Variants in EHMT1 observed in about 807,000 individuals in gnomAD.
EHMT1 encodes the protein histone-lysine N-methyltransferase EHMT1.
Under a neutral mutation model 147.2 loss-of-function variants are expected in EHMT1, and 15 were observed. That is an observed-to-expected ratio of 0.10 (90% CI 0.07 to 0.16). The LOEUF (loss-of-function observed/expected upper bound fraction) is 0.16, where lower values mean the gene tolerates loss of function less well. Among genes scored for constraint, EHMT1 ranks in the 10% least tolerant of loss-of-function variants. The pLI is 1.00. For synonymous variants in EHMT1, 795 were observed against 709.6 expected (o/e 1.12, Z -1.91); for missense variants, 1,587 against 1,772.4 (o/e 0.90, Z 1.88).
At chr9:137,834,018 A>G (rs1956415001) in intron 25 of EHMT1, 2 of 396,964 alleles carry the variant, frequency 5.0e-6, no homozygotes, top group South Asian at 5.3e-5. Flanking sequence ...AGACAGCCCC[A>G]TGGGTCCTCG....
intron 18 of EHMT1, chr9:137,803,116 G>A (rs1953643607): frequency 8.1e-7 from 1 of 1,229,222 alleles, no homozygotes; most frequent in Non-Finnish European, 1.0e-6. Context: ...CTGTCCAGGT[G>A]TCAGAGCTGT....
chr9:137,774,405 G>A (rs865844062), intron 10 of EHMT1, among the ~76,000 whole-genome samples: 12 of 148,620 alleles, frequency 8.1e-5, no homozygotes, highest in South Asian at 2.1e-4. Flanking sequence ...GTGTGGTCGC[G>A]TCTGACCCCC....
Position 137,834,471 on chromosome 9 carries a change from C to A in EHMT1, c.3663C>A (p.Phe1221Leu). Residue 1221 changes from phenylalanine (F) to leucine (L), a missense_variant, in exon 26 of 27, where the codon TTC becomes TTA. Phe to Leu is a conservative substitution (Grantham distance 22). This residue lies in a region of EHMT1 where 141 missense variants were observed against 150.8 expected (regional missense o/e 0.94). Coordinates refer to ENST00000460843, the MANE Select transcript of EHMT1 (RefSeq NM_024757.5). ...RVFMAHQDLRFPRIAFFSTRL... is the reference protein window; with the variant it reads ...RVFMAHQDLRLPRIAFFSTRL... ...TCATGGCCCACCAGGACCTGCGGTT[C>A]CCCCGGATCGCCTTCTTCAGCACCC... is the stretch of plus-strand genomic sequence containing the variant. 6.2e-7 allele frequency: 1 copy of A among 1,612,784 alleles called. No individual in the cohort carries two copies. The highest frequency in any genetic ancestry group is 8.5e-7 in the Non-Finnish European group (1 of 1,179,784).
intron 16 of EHMT1, chr9:137,792,313 GA>G: frequency 3.2e-6 from 1 of 310,268 alleles, no homozygotes; most frequent in South Asian, 2.9e-5. Flanking sequence ...ATTCAATGGG[GA>G]AAAGACTGTC....
chr9:137,818,574 CCG>C (rs1415091961), intron 25 of EHMT1, among the ~76,000 whole-genome samples: 2 of 133,502 alleles, frequency 1.5e-5, no homozygotes, highest in African/African-American at 3.8e-5. Flanking sequence ...TGTACCGAGA[CCG>C]TAGAGAGGCC....
At chr9:137,667,883 G>GT (rs770541445) in intron 1 of EHMT1, among the ~76,000 whole-genome samples, 52 of 152,142 alleles carry the variant, frequency 3.4e-4, no homozygotes, top group Non-Finnish European at 5.7e-4. Context: ...TGCTTATTTG[G>GT]TTTCGTGGAA....
rs573789680 is a variant in EHMT1, at chr9:137,649,021, C to G, written c.21+29972C>G. On this transcript the variant is annotated intron_variant, in intron 1 of 26. Coordinates refer to ENST00000460843, the MANE Select transcript of EHMT1 (RefSeq NM_024757.5). ...CAGAGACTGATCCTGGTTGTCGTAT[C>G]GTGCTTGAGCTTCATCACTGGGGAA... Among the ~76,000 whole-genome samples, 3 of 152,214 alleles carry G rather than the reference C, an allele frequency of 2.0e-5. No individual in the cohort carries two copies. In the South Asian group the frequency reaches 6.2e-4, roughly 31 times the overall value.
intron 23 of EHMT1, chr9:137,816,951 C>A (rs1343747644): frequency 8.7e-6 from 2 of 229,400 alleles, no homozygotes; most frequent in South Asian, 1.2e-4. Context: ...ACCCGGCCAC[C>A]CTCCCCCAGG....
At chr9:137,643,337 GTTTTTTT>G (rs71493685) in intron 1 of EHMT1, among the ~76,000 whole-genome samples, 42 of 111,872 alleles carry the variant, frequency 3.8e-4, no homozygotes, top group Admixed American at 9.7e-4. Flanking sequence ...GTGTATAAAG[GTTTTTTT>G]TTTTTTTTTT....
chr9:137,717,373 C>A, intron 3 of EHMT1, 191 bp downstream of exon 3: 1 of 761,164 alleles, frequency 1.3e-6, no homozygotes, highest in Non-Finnish European at 2.2e-6. Flanking sequence ...GAGGCTGAGG[C>A]GGGTGGATTG....
rs980871260 is a variant in EHMT1, at chr9:137,731,946, G to A, written c.823+3417G>A. Among the ~76,000 whole-genome samples the A allele has an allele frequency of 6.6e-6, 1 of 152,246 alleles. No individual in the cohort carries two copies. The highest frequency in any genetic ancestry group is 1.5e-5 in the Non-Finnish European group (1 of 68,042). ...TTTACACTGCAGGCGCTGGCGTCTA[G>A]ATGAGGGGAACACGGTGGTGCCCCA... On this transcript the variant is annotated intron_variant, in intron 4 of 26. Transcript: ENST00000460843. This position sits in a 1 kb window ranked among gnomAD's most constrained non-coding sequence, Gnocchi z 4.3.
chr9:137,675,802 T>TG (rs35541714), intron 1 of EHMT1, among the ~76,000 whole-genome samples: 14,488 of 104,052 alleles, frequency 0.14, 1,102 homozygotes, highest in Admixed American at 0.22. Context: ...TTTTTTTTTT[T>TG]AGACGGAGTC....
At chr9:137,672,352 A>G (rs1195460694) in intron 1 of EHMT1, among the ~76,000 whole-genome samples, 1 of 152,146 alleles carries the variant, frequency 6.6e-6, no homozygotes, top group Non-Finnish European at 1.5e-5. Context: ...TTTTATGTTA[A>G]CATGTAGTAG....
intron 1 of EHMT1, among the ~76,000 whole-genome samples, chr9:137,672,682 A>G (rs1328107076): frequency 1.3e-5 from 2 of 152,380 alleles, no homozygotes; most frequent in African/African-American, 2.4e-5. Context: ...TAGAGCTGAC[A>G]TTCTGATTGG....
intron 3 of EHMT1, among the ~76,000 whole-genome samples, chr9:137,723,749 TA>T (rs956349480): frequency 2.2e-4 from 34 of 152,368 alleles, no homozygotes; most frequent in African/African-American, 6.7e-4. Flanking sequence ...AATTACGTTT[TA>T]AAAAGTCATT....
intron 15 of EHMT1, chr9:137,785,696 TG>T (rs1326579297): frequency 6.6e-6 from 1 of 152,234 alleles, no homozygotes; most frequent in African/African-American, 2.4e-5. Context: ...CAAAAACATA[TG>T]GTTGCATCAT....
chr9:137,768,702 A>G (rs1481660900), intron 10 of EHMT1, among the ~76,000 whole-genome samples: 1 of 150,484 alleles, frequency 6.6e-6, no homozygotes, highest in Non-Finnish European at 1.5e-5. Flanking sequence ...GGCGCCCGCC[A>G]CTACGCCCGG....
intron 1 of EHMT1, among the ~76,000 whole-genome samples, chr9:137,686,583 G>T (rs1023579219): frequency 2.0e-5 from 3 of 151,550 alleles, no homozygotes; most frequent in Admixed American, 6.6e-5. Context: ...AGAGACCAGG[G>T]TTTGCCATGT....
In EHMT1 at chr9:137,775,548, T is replaced by TG. The variant is rs968316708; in HGVS notation, c.1791+301dup. The stretch of plus-strand genomic sequence containing the variant: ...CAGGCCAGAGGAGGGAAGTGAGGGT[T>TG]GGGGGTGAAGGTGTCTAAGGCACTG... On this transcript the variant is annotated intron_variant, in intron 11 of 26. Transcript: ENST00000460843. This position sits in a 1 kb window ranked among gnomAD's most constrained non-coding sequence, Gnocchi z 6.1. 1.6e-4 allele frequency among the ~76,000 whole-genome samples: 24 copies of TG among 150,158 alleles called. No individual in the cohort carries two copies. The highest frequency in any genetic ancestry group is 5.3e-4 in the Admixed American group (8 of 15,080).
Sources: gnomAD v4.1 joint callset for allele counts (sites outside exome capture counted in the v4.1 genomes callset) on GRCh38, gnomAD v4.1.1 for gene constraint, gnomAD v4.1.1 regional missense constraint, Gnocchi (gnomAD v3.1) non-coding constraint, MANE v1.5 for transcripts, NCBI Gene and HGNC (gene_info 2026-07-23, HGNC 2026-07-21) for gene names.